C6orf89: variants seen among roughly 807,000 people sequenced by gnomAD.
C6orf89 encodes chromosome 6 open reading frame 89, also known as bombesin receptor-activated protein C6orf89.
C6orf89 carries 29 observed loss-of-function variants against 40.7 expected under a neutral mutation model. The ratio of observed to expected loss-of-function variants is 0.71; its 90% CI spans 0.53 to 0.97. C6orf89 has a LOEUF of 0.97. Among genes scored for constraint, C6orf89 ranks in the 50% least tolerant of loss-of-function variants. The probability of loss-of-function intolerance (pLI) is 0.00; values close to 1 mark genes in which losing one functional copy is unlikely to be tolerated. For synonymous variants in C6orf89, 165 were observed against 152.2 expected (o/e 1.08, Z -0.62); for missense variants, 392 against 429.1 (o/e 0.91, Z 0.76).
chr6:36,902,556 A>C (rs1490296093), intron 4 of C6orf89, 122 bp downstream of exon 4: 1 of 818,462 alleles, frequency 1.2e-6, no homozygotes, highest in Non-Finnish European at 1.9e-6. Flanking sequence ...CTTTTAATTC[A>C]GTCCCCACTA....
At chr6:36,877,842 A>G (rs1774700839) in intron 1 of C6orf89, among the ~76,000 whole-genome samples, 1 of 151,398 alleles carries the variant, frequency 6.6e-6, no homozygotes, top group African/African-American at 2.4e-5. Context: ...TCTTTGTGAT[A>G]CCTTTTTGTG....
At chr6:36,922,336 G>A (rs1173504050) in intron 8 of C6orf89, among the ~76,000 whole-genome samples, 8 of 150,168 alleles carry the variant, frequency 5.3e-5, no homozygotes, top group South Asian at 2.1e-4. Flanking sequence ...GTGAAACTCC[G>A]TCTCAAAAAA....
chr6:36,876,742 G>T (rs68023353), intron 1 of C6orf89, among the ~76,000 whole-genome samples: 1 of 113,740 alleles, frequency 8.8e-6, no homozygotes, highest in Non-Finnish European at 1.9e-5. Context: ...AAAAAAAAAA[G>T]AAGAAGAAGA....
Position 36,919,611 on chromosome 6 carries a change from A to G in C6orf89, c.859A>G (p.Ser287Gly), listed in dbSNP as rs1464020410. 6 of 1,613,958 alleles carry G rather than the reference A, an allele frequency of 3.7e-6. No homozygotes were observed. The highest frequency in any genetic ancestry group is 5.1e-6 in the Non-Finnish European group (6 of 1,179,964). Residue 287 changes from serine (S) to glycine (G), a missense_variant, in exon 8 of 9, where the codon AGC becomes GGC. Ser to Gly is a moderately conservative substitution (Grantham distance 56, BLOSUM62 0). Coordinates refer to ENST00000480824, the MANE Select transcript of C6orf89 (RefSeq NM_001286635.2). ...HKMPDLFIIG[S>G]GEAMLQLIPP... The stretch of plus-strand genomic sequence containing the variant: ...GATGCCTGACCTATTTATCATTGGC[A>G]GCGGTGAGGCCATGTTGCAGCTCAT...
rs1330372655 is a variant in C6orf89, at chr6:36,913,970, G to T, written c.404-314G>T. Among the ~76,000 whole-genome samples the T allele has an allele frequency of 5.9e-5, 9 of 152,306 alleles. No homozygotes were observed. In the South Asian group the frequency reaches 1.7e-3, roughly 28 times the overall value. On this transcript the variant is annotated intron_variant, in intron 4 of 8. Coordinates refer to ENST00000480824, the MANE Select transcript of C6orf89 (RefSeq NM_001286635.2). ...GAGCCCAGGAATTCAAGACCAGCCTGGGCAACATGGCAAGACCCCGTTTCA... is the reference window on the plus strand; with the variant it reads ...GAGCCCAGGAATTCAAGACCAGCCTTGGCAACATGGCAAGACCCCGTTTCA...
At chr6:36,922,360 A>G (rs1456927975) in intron 8 of C6orf89, among the ~76,000 whole-genome samples, 2 of 152,146 alleles carry the variant, frequency 1.3e-5, no homozygotes, top group Non-Finnish European at 2.9e-5. Context: ...AAGAAAGAAA[A>G]AAAGAATTTT....
At chr6:36,874,891 G>A in intron 1 of C6orf89, 1 of 1,200,962 alleles carries the variant, frequency 8.3e-7, no homozygotes, top group Non-Finnish European at 1.2e-6. Context: ...CAGGATTTGG[G>A]TGGCCAAGAC....
chr6:36,892,074 C>A (rs1416298938), intron 1 of C6orf89, among the ~76,000 whole-genome samples: 1 of 152,180 alleles, frequency 6.6e-6, no homozygotes, highest in African/African-American at 2.4e-5. Flanking sequence ...GTCAGATATG[C>A]CTCTACCCTG....
chr6:36,872,830 G>C (rs1774544261), intron 1 of C6orf89, among the ~76,000 whole-genome samples: 1 of 152,106 alleles, frequency 6.6e-6, no homozygotes, highest in South Asian at 2.1e-4. Context: ...GGCTTGTCTT[G>C]AACTCCTGGG....
chr6:36,922,951 G>A (rs916048203), intron 8 of C6orf89, among the ~76,000 whole-genome samples: 1 of 152,138 alleles, frequency 6.6e-6, no homozygotes, highest in Non-Finnish European at 1.5e-5. Context: ...CAGTTCCCTG[G>A]GTGAGGGGTG....
chr6:36,915,516 T>C (rs1292459600), intron 6 of C6orf89, among the ~76,000 whole-genome samples: 1 of 151,808 alleles, frequency 6.6e-6, no homozygotes, highest in East Asian at 1.9e-4. Flanking sequence ...CTGAGGCGGG[T>C]TGATCACTTG....
At chr6:36,891,665 A>G (rs61463781) in intron 1 of C6orf89, among the ~76,000 whole-genome samples, 1,988 of 152,374 alleles carry the variant, frequency 0.013, 52 homozygotes, top group African/African-American at 0.045. Context: ...GAATATATTC[A>G]TAACACTAAA....
At chr6:36,873,242 T>C (rs1298641407) in intron 1 of C6orf89, among the ~76,000 whole-genome samples, 5 of 152,170 alleles carry the variant, frequency 3.3e-5, no homozygotes, top group Non-Finnish European at 7.4e-5. Flanking sequence ...TAGGAAAATA[T>C]ACAAAAGTGC....
chr6:36,875,192 T>G lies in C6orf89; in HGVS notation c.-628+3225T>G, dbSNP rs528106202. On this transcript the variant is annotated intron_variant, in intron 1 of 9. Coordinates refer to the C6orf89 transcript ENST00000359359. ...AGGCAGAGAATGAAAGAGGGTAGTT[T>G]AGAGATGCCAGTAAAGAATTTTTGT... is the stretch of plus-strand genomic sequence containing the variant. 1.2e-4 allele frequency among the ~76,000 whole-genome samples: 18 copies of G among 152,230 alleles called. No homozygotes were observed. In the East Asian group the frequency reaches 3.1e-3, roughly 26 times the overall value.
upstream of C6orf89, among the ~76,000 whole-genome samples, chr6:36,881,725 T>C (rs1774814951): frequency 6.6e-6 from 1 of 152,138 alleles, no homozygotes; most frequent in Non-Finnish European, 1.5e-5. Context: ...GGATTCTATG[T>C]GTGAACATAT....
In C6orf89 at chr6:36,924,392, G is replaced by A. The variant is rs1283133357; in HGVS notation, c.*951G>A. On this transcript the variant is annotated 3_prime_UTR_variant, in exon 9 of 9. Transcript: ENST00000480824. ...GTTTTACAGATGTGTCAAAGCTGAT[G>A]TAATGTGGTTGGGGGAGGAAATCCA... is the stretch of plus-strand genomic sequence containing the variant. 1.3e-5 allele frequency: 2 copies of A among 152,270 alleles called. No individual in the cohort carries two copies. Among genetic ancestry groups the A allele is most frequent in the African/African-American group, 4.8e-5 (2 of 41,466 alleles). The allele number at this position is 152,270 out of a possible 1,614,324, so 9.4% of individuals were successfully genotyped here.
At position 36,928,684 on chromosome 6, in the gene C6orf89, C is replaced by G. The variant is rs950960028; in HGVS notation, c.*5243C>G. On this transcript the variant is annotated 3_prime_UTR_variant, in exon 9 of 9. Coordinates refer to ENST00000480824, the MANE Select transcript of C6orf89 (RefSeq NM_001286635.2). ...AGTCACAGGCAAGACAGGGACTCAG[C>G]GCAGTGCTCCCGCCATCATCGGGGA... 6.6e-6 allele frequency: 1 copy of G among 152,314 alleles called. No individual in the cohort carries two copies. The highest frequency in any genetic ancestry group is 1.5e-5 in the Non-Finnish European group (1 of 68,122). 9.4% of individuals were successfully genotyped at this position (152,314 alleles called of 1,614,324 possible).
upstream of C6orf89, among the ~76,000 whole-genome samples, chr6:36,884,714 C>G (rs1774916173): frequency 1.3e-5 from 2 of 152,024 alleles, no homozygotes; most frequent in South Asian, 2.1e-4. The surrounding 1 kb of genome is among the most constrained non-coding windows in gnomAD (Gnocchi z 4.0). Context: ...TTTTTTTAAA[C>G]AAAATCATGG....
Position 36,889,582 on chromosome 6 carries a change from C to CAAAAAAAAAAAAAAAAAAAAAA in C6orf89, c.-120+3565_-120+3566insAAAAAAAAAAAAAAAAAAAAAA, listed in dbSNP as rs58417436. The stretch of plus-strand genomic sequence containing the variant: ...GTCCTAAAAGACCAAAAAACAAAAA[C>CAAAAAAAAAAAAAAAAAAAAAA]AAAAAAAAAAAGAAAAACCACACAC... On this transcript the variant is annotated intron_variant, in intron 1 of 8. Coordinates refer to ENST00000480824, the MANE Select transcript of C6orf89 (RefSeq NM_001286635.2). Among the ~76,000 whole-genome samples, 104 of 140,140 alleles carry CAAAAAAAAAAAAAAAAAAAAAA rather than the reference C, an allele frequency of 7.4e-4. 1 individual carries two copies. Among genetic ancestry groups the CAAAAAAAAAAAAAAAAAAAAAA allele is most frequent in the African/African-American group, 1.4e-3 (52 of 38,162 alleles). The allele number at this position is 140,140 out of a possible 152,430, so 91.9% of individuals were successfully genotyped here.
Sources: gnomAD v4.1 joint callset for allele counts (sites outside exome capture counted in the v4.1 genomes callset) on GRCh38, gnomAD v4.1.1 for gene constraint, Gnocchi (gnomAD v3.1) non-coding constraint, MANE v1.5 for transcripts, NCBI Gene and HGNC (gene_info 2026-07-23, HGNC 2026-07-21) for gene names.